GALNT13: variants seen among roughly 807,000 people sequenced by gnomAD.
GALNT13 encodes UDP-GalNAc:polypeptide N-acetylgalactosaminyltransferase 13.
In GALNT13, 28 loss-of-function variants were observed where a neutral mutation model predicts 64.2. The ratio of observed to expected loss-of-function variants is 0.44; its 90% CI spans 0.32 to 0.60. The LOEUF (loss-of-function observed/expected upper bound fraction) is 0.60. Ranked by LOEUF, GALNT13 falls within the 20% of genes least tolerant of loss-of-function variation. The probability of loss-of-function intolerance (pLI) is 0.05; values close to 1 mark genes in which losing one functional copy is unlikely to be tolerated. For synonymous variants in GALNT13, 214 were observed against 224.6 expected (o/e 0.95, Z 0.42); for missense variants, 577 against 669.8 (o/e 0.86, Z 1.53).
chr2:153,846,384 A>G, the GALNT13 span, among the ~76,000 whole-genome samples: 1 of 152,160 alleles, frequency 6.6e-6, no homozygotes, highest in Non-Finnish European at 1.5e-5. Flanking sequence ...TAGAATGTAT[A>G]TTGAATGTTT....
chr2:153,241,659 GTGTA>G, the GALNT13 span, among the ~76,000 whole-genome samples: 2 of 151,444 alleles, frequency 1.3e-5, no homozygotes, highest in Admixed American at 6.6e-5. Context: ...GTGTGTGTAT[GTGTA>G]TGTGTGTGTG....
At chr2:153,301,373 T>C in the GALNT13 span, among the ~76,000 whole-genome samples, 41 of 149,820 alleles carry the variant, frequency 2.7e-4, no homozygotes, top group East Asian at 6.2e-3. Flanking sequence ...GAACACCTAG[T>C]TCCTTAAGAA....
chr2:153,397,478 A>G, the GALNT13 span, among the ~76,000 whole-genome samples: 5 of 152,088 alleles, frequency 3.3e-5, no homozygotes, highest in South Asian at 2.1e-4. Context: ...ACAACGTACG[A>G]TCTGATATTT....
chr2:154,086,566 T>C (rs1246782376), intron 3 of GALNT13, among the ~76,000 whole-genome samples: 1 of 151,790 alleles, frequency 6.6e-6, no homozygotes, highest in Non-Finnish European at 1.5e-5. Context: ...TGCATTTTTA[T>C]ATGGGACACT....
At chr2:153,108,998 T>C in the GALNT13 span, among the ~76,000 whole-genome samples, 1 of 152,178 alleles carries the variant, frequency 6.6e-6, no homozygotes, top group Admixed American at 6.6e-5. Context: ...CAGAATTGTT[T>C]TGAAGATTCT....
chr2:153,723,136 A>G, the GALNT13 span, among the ~76,000 whole-genome samples: 1 of 140,648 alleles, frequency 7.1e-6, no homozygotes, highest in African/African-American at 2.7e-5. Flanking sequence ...CTGGGATGCA[A>G]GGCTGGTTCA....
the GALNT13 span, among the ~76,000 whole-genome samples, chr2:153,828,013 C>T: frequency 4.6e-5 from 7 of 152,214 alleles, no homozygotes; most frequent in Non-Finnish European, 8.8e-5. Flanking sequence ...AAAGAATCTC[C>T]TTTGACTCCA....
intron 10 of GALNT13, among the ~76,000 whole-genome samples, chr2:154,398,587 C>A (rs891460131): frequency 4.6e-5 from 7 of 152,246 alleles, no homozygotes; most frequent in Middle Eastern, 3.4e-3. Flanking sequence ...GGAATTGAGC[C>A]TTTCATAGCA....
chr2:154,117,155 A>T (rs1240970984), intron 3 of GALNT13, among the ~76,000 whole-genome samples: 1 of 152,144 alleles, frequency 6.6e-6, no homozygotes, highest in Non-Finnish European at 1.5e-5. Flanking sequence ...GATGGCACCC[A>T]CCGAGATTAA....
chr2:154,052,757 GAC>G (rs1242681649), intron 3 of GALNT13, among the ~76,000 whole-genome samples: 1 of 130,004 alleles, frequency 7.7e-6, no homozygotes, highest in Non-Finnish European at 1.6e-5. Flanking sequence ...TTTTTTTTGA[GAC>G]GGAGTCTCGC....
the GALNT13 span, among the ~76,000 whole-genome samples, chr2:153,737,446 T>C: frequency 1.3e-5 from 2 of 152,172 alleles, no homozygotes; most frequent in African/African-American, 4.8e-5. Context: ...GGACATTCCT[T>C]ATGTTATTTT....
the GALNT13 span, among the ~76,000 whole-genome samples, chr2:153,267,158 G>C: frequency 1.8e-3 from 271 of 152,318 alleles, 8 homozygotes; most frequent in East Asian, 0.043. Context: ...TGGTTTAAGA[G>C]GTGGGCTCCC....
the GALNT13 span, among the ~76,000 whole-genome samples, chr2:153,804,610 G>T: frequency 6.6e-6 from 1 of 151,982 alleles, no homozygotes. Flanking sequence ...AAGTGAAAAG[G>T]AAGAGTGCAT....
At chr2:153,343,571 C>T in the GALNT13 span, among the ~76,000 whole-genome samples, 1 of 151,990 alleles carries the variant, frequency 6.6e-6, no homozygotes, top group Non-Finnish European at 1.5e-5. Context: ...GTAAAAAATA[C>T]TTAGAATTCC....
At chr2:154,232,080 C>T (rs1023832895) in intron 4 of GALNT13, among the ~76,000 whole-genome samples, 3 of 151,836 alleles carry the variant, frequency 2.0e-5, no homozygotes, top group African/African-American at 7.3e-5. Flanking sequence ...CCCAGTCTAA[C>T]TCTAGGCTTA....
chr2:153,300,287 T>C, the GALNT13 span, among the ~76,000 whole-genome samples: 2 of 152,212 alleles, frequency 1.3e-5, no homozygotes, highest in African/African-American at 4.8e-5. Flanking sequence ...TTTCTCACTC[T>C]CTCAGCTCCT....
chr2:153,952,516 G>T (rs984938863), intron 3 of GALNT13, among the ~76,000 whole-genome samples: 2 of 152,034 alleles, frequency 1.3e-5, no homozygotes, highest in African/African-American at 4.8e-5. Context: ...GATGAGAAAT[G>T]GTCATGCAGA....
the GALNT13 span, among the ~76,000 whole-genome samples, chr2:153,213,507 C>T: frequency 6.6e-6 from 1 of 152,120 alleles, no homozygotes; most frequent in Non-Finnish European, 1.5e-5. Context: ...TACAGAAATA[C>T]CATGAAGAAT....
intron 2 of GALNT13, among the ~76,000 whole-genome samples, chr2:153,943,763 G>A (rs1448069454): frequency 2.0e-5 from 3 of 152,174 alleles, no homozygotes; most frequent in Non-Finnish European, 4.4e-5. Context: ...TCAAAGTGTT[G>A]GGATTACAGG....
Sources: allele counts gnomAD v4.1 joint callset (sites outside exome capture counted in the v4.1 genomes callset), GRCh38; gene constraint gnomAD v4.1.1; transcripts MANE v1.5; gene names NCBI Gene and HGNC (gene_info 2026-07-23, HGNC 2026-07-21).